The following CDH11 variants were observed in gnomAD, a reference collection of about 807,000 sequenced individuals.
The protein encoded by CDH11 is cadherin-11.
CDH11 carries 11 observed loss-of-function variants against 67.8 expected under a neutral mutation model. The observed-to-expected ratio is 0.16, with a 90% confidence interval of 0.10 to 0.27. CDH11 has a LOEUF of 0.27. Ranked by LOEUF, CDH11 falls within the 10% of genes least tolerant of loss-of-function variation. CDH11 has a pLI of 1.00. For synonymous variants in CDH11, 419 were observed against 400.0 expected, an observed-to-expected ratio of 1.05 and a Z score of -0.57; for missense variants, 847 against 1,031.2, an observed-to-expected ratio of 0.82 and a Z score of 2.45.
At chr16:64,981,299 T>A (rs978395197) in intron 8 of CDH11, 1 of 151,912 alleles carries the variant, frequency 6.6e-6, no homozygotes, top group Non-Finnish European at 1.5e-5. Context: ...AGAGGCAGGG[T>A]TTCATTACAT....
intron 1 of CDH11, among the ~76,000 whole-genome samples, chr16:65,110,765 C>T (rs2075143375): frequency 6.6e-6 from 1 of 151,920 alleles, no homozygotes. Flanking sequence ...AACTCTCTGG[C>T]CCTTTAAGCC....
At chr16:65,003,742 C>T (rs2072981219) in intron 3 of CDH11, among the ~76,000 whole-genome samples, 2 of 152,164 alleles carry the variant, frequency 1.3e-5, no homozygotes. Context: ...GAAGTCATCT[C>T]ACTGGGTTTT....
In CDH11 at chr16:65,113,638, C is replaced by G. The variant is rs149636700; in HGVS notation, c.-298+8242G>C. On this transcript the variant is annotated intron_variant, in intron 1 of 12. Transcript: ENST00000268603. ...GGGCAGTGACAACATGGAGTGGAAG[C>G]AGATGGGAGTGATGAGGATGGTGAG... 6.7e-3 allele frequency among the ~76,000 whole-genome samples: 1,014 copies of G among 152,166 alleles called. 15 individuals carry two copies. The highest frequency in any genetic ancestry group is 0.023 in the African/African-American group (963 of 41,510).
chr16:65,022,188 A>T (rs759092551), intron 2 of CDH11, among the ~76,000 whole-genome samples: 1 of 152,160 alleles, frequency 6.6e-6, no homozygotes, highest in African/African-American at 2.4e-5. Flanking sequence ...AAAAGGAAAC[A>T]TATTTTAGAA....
chr16:65,034,412 T>C (rs1325662010), intron 2 of CDH11, among the ~76,000 whole-genome samples: 1 of 152,132 alleles, frequency 6.6e-6, no homozygotes, highest in Non-Finnish European at 1.5e-5. Context: ...TGGACTAAGA[T>C]AGATGGAAGA....
intron 1 of CDH11, among the ~76,000 whole-genome samples, chr16:65,114,588 GTCTC>G (rs1463335725): frequency 6.6e-6 from 1 of 152,076 alleles, no homozygotes; most frequent in African/African-American, 2.4e-5. Flanking sequence ...TCAAAAAGTT[GTCTC>G]TCTCTCCTTC....
intron 2 of CDH11, among the ~76,000 whole-genome samples, chr16:65,025,209 T>A (rs1013725072): frequency 6.6e-6 from 1 of 152,188 alleles, no homozygotes; most frequent in Admixed American, 6.5e-5. Flanking sequence ...ATTCCTAAGT[T>A]AATTTGAAGG....
At chr16:65,081,053 A>C (rs974734345) in intron 1 of CDH11, among the ~76,000 whole-genome samples, 1 of 152,166 alleles carries the variant, frequency 6.6e-6, no homozygotes, top group African/African-American at 2.4e-5. Flanking sequence ...CATATATCAA[A>C]ATTCACATTT....
chr16:65,010,215 C>T (rs1009844799), intron 2 of CDH11, among the ~76,000 whole-genome samples: 1 of 152,146 alleles, frequency 6.6e-6, no homozygotes, highest in African/African-American at 2.4e-5. Flanking sequence ...CTCAAAACCC[C>T]ATTCTGTATC....
intron 1 of CDH11, among the ~76,000 whole-genome samples, chr16:65,082,397 G>A (rs927050813): frequency 1.3e-5 from 2 of 152,220 alleles, no homozygotes; most frequent in Non-Finnish European, 2.9e-5. Flanking sequence ...GCCAGGTAGT[G>A]TCTGAGCATA....
At chr16:65,070,931 C>T (rs747959841) in intron 1 of CDH11, among the ~76,000 whole-genome samples, 1 of 152,208 alleles carries the variant, frequency 6.6e-6, no homozygotes, top group Non-Finnish European at 1.5e-5. Context: ...AAACCAACCT[C>T]CCACATGGCT....
chr16:65,070,424 T>C (rs1394019625), intron 1 of CDH11, among the ~76,000 whole-genome samples: 2 of 152,132 alleles, frequency 1.3e-5, no homozygotes, highest in Admixed American at 6.5e-5. Flanking sequence ...TACCCTGTAA[T>C]TGAACGTGTG....
chr16:65,091,352 T>G (rs1047435542), intron 1 of CDH11, among the ~76,000 whole-genome samples: 1 of 152,196 alleles, frequency 6.6e-6, no homozygotes, highest in Non-Finnish European at 1.5e-5. Flanking sequence ...TATTGTAAAA[T>G]CTCAGCAGAA....
Position 65,068,721 on chromosome 16 carries a change from G to A in CDH11, c.-297-14793C>T, listed in dbSNP as rs74026244. On this transcript the variant is annotated intron_variant, in intron 1 of 12. Transcript: ENST00000268603. ...TTCTGCTTTTCTAGTGGTTTTTCCC[G>A]AAGAAACATTAAAGACCAGGTTAGC... Among the ~76,000 whole-genome samples, 1,457 of 152,226 alleles carry A rather than the reference G, an allele frequency of 9.6e-3. 29 individuals carry two copies. The highest frequency in any genetic ancestry group is 0.033 in the African/African-American group (1,365 of 41,550).
At chr16:65,065,591 C>A (rs1296363522) in intron 1 of CDH11, among the ~76,000 whole-genome samples, 1 of 152,124 alleles carries the variant, frequency 6.6e-6, no homozygotes, top group East Asian at 1.9e-4. Flanking sequence ...CATTGGTTCC[C>A]ACAGAGACAA....
intron 1 of CDH11, among the ~76,000 whole-genome samples, chr16:65,096,080 T>C (rs1271494640): frequency 1.3e-5 from 2 of 152,226 alleles, no homozygotes; most frequent in South Asian, 2.1e-4. Context: ...TGCAGAAGTA[T>C]GTGTGTAGTA....
chr16:65,027,832 G>A (rs1191320804), intron 2 of CDH11, among the ~76,000 whole-genome samples: 31 of 152,100 alleles, frequency 2.0e-4, no homozygotes, highest in East Asian at 7.7e-4. Context: ...ATTTTTGTAT[G>A]CCTTTAGGTT....
At chr16:65,009,766 G>A (rs570303542) in intron 2 of CDH11, among the ~76,000 whole-genome samples, 1 of 152,294 alleles carries the variant, frequency 6.6e-6, no homozygotes, top group South Asian at 2.1e-4. Context: ...TTTATGATGG[G>A]AGCATATTGC....
chr16:64,974,166 C>T (rs1037782998), intron 8 of CDH11, among the ~76,000 whole-genome samples: 1 of 152,098 alleles, frequency 6.6e-6, no homozygotes, highest in African/African-American at 2.4e-5. Context: ...AGGATACAGT[C>T]TTGTTTTAAT....
Sources: gnomAD v4.1 joint callset for allele counts (sites outside exome capture counted in the v4.1 genomes callset) on GRCh38, gnomAD v4.1.1 for gene constraint, MANE v1.5 for transcripts, NCBI Gene and HGNC (gene_info 2026-07-23, HGNC 2026-07-21) for gene names.